PTPRM: variants seen among roughly 807,000 people sequenced by gnomAD.
PTPRM encodes the protein protein tyrosine phosphatase receptor type M.
In PTPRM, 47 loss-of-function variants were observed where a neutral mutation model predicts 186.7. The ratio of observed to expected loss-of-function variants is 0.25; its 90% CI spans 0.20 to 0.32. The LOEUF (loss-of-function observed/expected upper bound fraction) is 0.32, where lower values mean the gene tolerates loss of function less well. Ranked by LOEUF, PTPRM falls within the 10% of genes least tolerant of loss-of-function variation. The pLI is 1.00. For missense variants in PTPRM, 1,494 were observed against 1,865.0 expected (o/e 0.80, Z 3.66); for synonymous variants, 668 against 674.9 (o/e 0.99, Z 0.16).
chr18:7,717,792 A>AC (rs375912195), intron 1 of PTPRM, among the ~76,000 whole-genome samples: 82 of 152,306 alleles, frequency 5.4e-4, no homozygotes, highest in African/African-American at 1.5e-3. Flanking sequence ...TGGTTCCAGC[A>AC]CCCACTCACC....
At chr18:8,244,008 CTG>C (rs746265255) in intron 14 of PTPRM, 48 bp from the exon 15 acceptor site, 1 of 1,545,044 alleles carries the variant, frequency 6.5e-7, no homozygotes. Context: ...TGCCAAAGCT[CTG>C]TATCCCGTTC....
intron 13 of PTPRM, among the ~76,000 whole-genome samples, chr18:8,125,135 G>T (rs1265853053): frequency 6.6e-6 from 1 of 151,616 alleles, no homozygotes; most frequent in Non-Finnish European, 1.5e-5. Context: ...GCTTGAACCC[G>T]GGAGGCAGAG....
intron 1 of PTPRM, among the ~76,000 whole-genome samples, chr18:7,621,967 C>T (rs943929136): frequency 2.0e-5 from 3 of 152,142 alleles, no homozygotes; most frequent in African/African-American, 7.2e-5. Flanking sequence ...TTTTCAACTC[C>T]ATTGGATAAC....
intron 4 of PTPRM, among the ~76,000 whole-genome samples, chr18:7,917,265 G>C (rs1156495494): frequency 6.6e-6 from 1 of 152,230 alleles, no homozygotes; most frequent in Non-Finnish European, 1.5e-5. Flanking sequence ...CAGGTGCGGT[G>C]GCTCACGCCT....
intron 2 of PTPRM, among the ~76,000 whole-genome samples, chr18:7,795,345 C>CT (rs1336819654): frequency 6.6e-6 from 1 of 151,908 alleles, no homozygotes; most frequent in East Asian, 1.9e-4. Context: ...TTTTAAAACT[C>CT]TGAGGAGATT....
chr18:7,778,568 C>T (rs1022287309), intron 2 of PTPRM, among the ~76,000 whole-genome samples: 4 of 152,090 alleles, frequency 2.6e-5, no homozygotes, highest in East Asian at 3.8e-4. Context: ...ACTACCTTCC[C>T]GCCCTGGTTC....
At chr18:7,661,412 T>C (rs1319956923) in intron 1 of PTPRM, among the ~76,000 whole-genome samples, 1 of 152,250 alleles carries the variant, frequency 6.6e-6, no homozygotes, top group African/African-American at 2.4e-5. Context: ...TGCAGTTTGC[T>C]GTTGTAAAGA....
intron 1 of PTPRM, among the ~76,000 whole-genome samples, chr18:7,655,629 T>A (rs1305719387): frequency 6.6e-6 from 1 of 152,250 alleles, no homozygotes; most frequent in Non-Finnish European, 1.5e-5. Context: ...TGCCAAAAGT[T>A]GGAATCAACC....
chr18:8,253,500 A>G (rs2094548165), intron 19 of PTPRM, 86 bp downstream of exon 19: 1 of 1,223,722 alleles, frequency 8.2e-7, no homozygotes, highest in Non-Finnish European at 1.1e-6. Flanking sequence ...TCAGAAAGCC[A>G]GAGAAAACCC....
At chr18:8,097,312 T>C (rs1283972141) in intron 11 of PTPRM, among the ~76,000 whole-genome samples, 3 of 152,200 alleles carry the variant, frequency 2.0e-5, no homozygotes, top group African/African-American at 7.2e-5. Context: ...TTTTTTCCCA[T>C]ATAATTATGT....
At chr18:7,634,475 G>C (rs184422140) in intron 1 of PTPRM, among the ~76,000 whole-genome samples, 1 of 152,250 alleles carries the variant, frequency 6.6e-6, no homozygotes, top group Non-Finnish European at 1.5e-5. Flanking sequence ...TGGCTGTGAA[G>C]GTAGGACATG....
intron 29 of PTPRM, among the ~76,000 whole-genome samples, chr18:8,381,500 T>C (rs1261814577): frequency 1.3e-5 from 2 of 152,202 alleles, no homozygotes; most frequent in Non-Finnish European, 2.9e-5. Context: ...TCTATAAGGT[T>C]TTTAATTATG....
intron 22 of PTPRM, among the ~76,000 whole-genome samples, chr18:8,334,392 G>A (rs972548500): frequency 6.6e-6 from 1 of 152,146 alleles, no homozygotes; most frequent in African/African-American, 2.4e-5. Flanking sequence ...TGCCACACTG[G>A]GGAGCCTTGG....
At chr18:7,726,556 G>C (rs1401025179) in intron 1 of PTPRM, among the ~76,000 whole-genome samples, 1 of 152,164 alleles carries the variant, frequency 6.6e-6, no homozygotes, top group Non-Finnish European at 1.5e-5. Context: ...GAATAAATGA[G>C]TGGTGTATCT....
rs113895943 is a variant in PTPRM at position 8,380,819 on chromosome 18, C to T, written c.3918+392C>T. Among the ~76,000 whole-genome samples the T allele has an allele frequency of 3.5e-3, 530 of 152,202 alleles. 2 individuals carry two copies. Among genetic ancestry groups the T allele is most frequent in the East Asian group, 0.014 (74 of 5,166 alleles). On this transcript the variant is annotated intron_variant, in intron 29 of 32. Coordinates refer to ENST00000580170, the MANE Select transcript of PTPRM (RefSeq NM_001105244.2). ...GAGGACAGTGGAGAAGGGAAGATAG[C>T]GTTTGACCCAGCCCAGATCCCATTC...
chr18:7,772,444 C>CCCTTCCTT (rs200187256), intron 1 of PTPRM, among the ~76,000 whole-genome samples: 2,171 of 91,850 alleles, frequency 0.024, 96 homozygotes, highest in African/African-American at 0.029. Flanking sequence ...CTTCCCCTTC[C>CCCTTCCTT]CCTTCCTTCC....
chr18:7,878,265 T>A (rs539832785), intron 2 of PTPRM, among the ~76,000 whole-genome samples: 1 of 152,354 alleles, frequency 6.6e-6, no homozygotes, highest in South Asian at 2.1e-4. Context: ...TTACTTAAAT[T>A]CCAGACTTTT....
chr18:8,145,835 TGGG>T (rs2092871160), intron 14 of PTPRM, among the ~76,000 whole-genome samples: 1 of 152,186 alleles, frequency 6.6e-6, no homozygotes, highest in Admixed American at 6.5e-5. Flanking sequence ...TATAATCCTT[TGGG>T]TATATTCCCA....
chr18:7,758,666 T>C (rs1453416167), intron 1 of PTPRM, among the ~76,000 whole-genome samples: 1 of 152,176 alleles, frequency 6.6e-6, no homozygotes, highest in Non-Finnish European at 1.5e-5. Flanking sequence ...TAAAGTTCAG[T>C]AGAATGAAGG....
Sources: allele counts gnomAD v4.1 joint callset (sites outside exome capture counted in the v4.1 genomes callset), GRCh38; gene constraint gnomAD v4.1.1; transcripts MANE v1.5; gene names NCBI Gene and HGNC (gene_info 2026-07-23, HGNC 2026-07-21).